TSHZ2: variants seen among roughly 807,000 people sequenced by gnomAD.
TSHZ2 encodes teashirt zinc finger homeobox 2, also known as teashirt homolog 2.
In TSHZ2, 21 loss-of-function variants were observed where a neutral mutation model predicts 74.4. The observed-to-expected ratio is 0.28, with a 90% CI of 0.20 to 0.41. The LOEUF (loss-of-function observed/expected upper bound fraction) is 0.41, where lower values mean the gene tolerates loss of function less well. Among genes scored for constraint, TSHZ2 ranks in the 10% least tolerant of loss-of-function variants. The pLI is 1.00. For missense variants in TSHZ2, 1,244 were observed against 1,293.5 expected, an observed-to-expected ratio of 0.96 and a Z score of 0.59; for synonymous variants, 540 against 515.3, an observed-to-expected ratio of 1.05 and a Z score of -0.65.
rs750453219 is a variant in TSHZ2, at chr20:53,175,131, C to CTTTTT, written c.41-78344_41-78340dup. On this transcript the variant is annotated intron_variant, in intron 1 of 2. Coordinates refer to ENST00000371497, the MANE Select transcript of TSHZ2 (RefSeq NM_173485.6). ...CTCCTTCTCCTCCTTCTTCTTCTTTCTTTTTTTTTTTTTTTTTTTTTTTTT... is the reference window on the plus strand; with the variant it reads ...CTCCTTCTCCTCCTTCTTCTTCTTTCTTTTTTTTTTTTTTTTTTTTTTTTTTTTTT... Among the ~76,000 whole-genome samples, 126 of 63,638 alleles carry CTTTTT rather than the reference C, an allele frequency of 2.0e-3. 10 individuals are homozygous for CTTTTT. The highest frequency in any genetic ancestry group is 0.015 in the East Asian group (18 of 1,200). The allele number at this position is 63,638 out of a possible 152,430, so 41.7% of individuals were successfully genotyped here.
chr20:53,431,456 CAAA>C (rs58938803), intron 2 of TSHZ2, among the ~76,000 whole-genome samples: 24 of 134,548 alleles, frequency 1.8e-4, no homozygotes, highest in South Asian at 2.4e-4. Context: ...AACTCTGTCT[CAAA>C]AAAAAAAAAA....
At chr20:53,442,810 C>T (rs891788557) in intron 2 of TSHZ2, among the ~76,000 whole-genome samples, 1 of 152,132 alleles carries the variant, frequency 6.6e-6, no homozygotes, top group African/African-American at 2.4e-5. Flanking sequence ...TCCCCCGTTT[C>T]GATATCTGTT....
chr20:53,073,172 C>G (rs1234867866), intron 1 of TSHZ2, among the ~76,000 whole-genome samples: 1 of 149,854 alleles, frequency 6.7e-6, no homozygotes. Flanking sequence ...ATTCCTTCAT[C>G]CATCTATCCC....
intron 1 of TSHZ2, among the ~76,000 whole-genome samples, chr20:53,046,949 C>T (rs10485815): frequency 0.24 from 36,603 of 152,020 alleles, 7,747 homozygotes; most frequent in African/African-American, 0.57. Flanking sequence ...CCCTGTGTAT[C>T]GCTCTAAGGA....
intron 1 of TSHZ2, among the ~76,000 whole-genome samples, chr20:53,008,462 G>A (rs1247012631): frequency 6.6e-6 from 1 of 152,162 alleles, no homozygotes; most frequent in Non-Finnish European, 1.5e-5. Flanking sequence ...TTAAGAGCCT[G>A]GGTTAGGGTT....
At chr20:52,996,485 G>A in intron 1 of TSHZ2, among the ~76,000 whole-genome samples, 1 of 152,106 alleles carries the variant, frequency 6.6e-6, no homozygotes, top group Non-Finnish European at 1.5e-5. Flanking sequence ...CAGTCAGCCT[G>A]GGTAGTATCA....
intron 1 of TSHZ2, among the ~76,000 whole-genome samples, chr20:53,055,989 C>G (rs1269571031): frequency 6.6e-6 from 1 of 152,176 alleles, no homozygotes; most frequent in Non-Finnish European, 1.5e-5. Context: ...CAACCTAAGA[C>G]TTTTCCATTG....
chr20:53,299,096 C>T (rs977746585), intron 2 of TSHZ2, among the ~76,000 whole-genome samples: 1 of 152,174 alleles, frequency 6.6e-6, no homozygotes, highest in African/African-American at 2.4e-5. Context: ...TGTCTTCTTC[C>T]TGGGCAAACC....
Position 53,278,315 on chromosome 20 carries a change from C to T in TSHZ2, c.*8+21744C>T, listed in dbSNP as rs114809044. On this transcript the variant is annotated intron_variant, in intron 2 of 2. Transcript: ENST00000371497. ...AAATGGTAGGTAGCCTTACTCTTCT[C>T]ATGATGTCTCAGCTTAGGATCTATG... is the stretch of plus-strand genomic sequence containing the variant. Among the ~76,000 whole-genome samples, 1,044 of 152,340 alleles carry T rather than the reference C, an allele frequency of 6.9e-3. 15 individuals are homozygous for T. Among genetic ancestry groups the T allele is most frequent in the African/African-American group, 0.024 (1,010 of 41,576 alleles).
intron 2 of TSHZ2, among the ~76,000 whole-genome samples, chr20:53,288,485 G>GT (rs1426415829): frequency 1.3e-5 from 2 of 151,908 alleles, no homozygotes; most frequent in Non-Finnish European, 2.9e-5. Flanking sequence ...GTTAATAGAA[G>GT]TCTAGTTTTC....
At chr20:53,003,787 C>A (rs1319572429) in intron 1 of TSHZ2, among the ~76,000 whole-genome samples, 1 of 152,186 alleles carries the variant, frequency 6.6e-6, no homozygotes, top group East Asian at 1.9e-4. Flanking sequence ...ACAAATTGTA[C>A]ATTAATATTT....
At chr20:53,363,752 G>A (rs935373134) in intron 2 of TSHZ2, among the ~76,000 whole-genome samples, 18 of 152,316 alleles carry the variant, frequency 1.2e-4, no homozygotes, top group South Asian at 6.2e-4. Context: ...AGTCAAGGTC[G>A]CAGTAAGCCA....
At chr20:53,447,352 T>C (rs1404409849) in intron 2 of TSHZ2, among the ~76,000 whole-genome samples, 4 of 152,230 alleles carry the variant, frequency 2.6e-5, no homozygotes, top group East Asian at 1.9e-4. Context: ...ATGTGTCTGA[T>C]TGCTCTCCCT....
intron 1 of TSHZ2, among the ~76,000 whole-genome samples, chr20:53,064,648 A>G (rs765858065): frequency 1.3e-5 from 2 of 150,140 alleles, no homozygotes; most frequent in Non-Finnish European, 2.9e-5. Context: ...CTAAAAAATA[A>G]ATAACTTTTT....
rs1986318107 is a variant in TSHZ2 at position 53,487,383 on chromosome 20, T to G, written c.*248T>G. ...TCTGCTTATGGGCGGTATTAGATTT[T>G]CATTGATAAATTGCAATGGGGCTGT... On this transcript the variant is annotated 3_prime_UTR_variant, in exon 3 of 3. Coordinates refer to ENST00000371497, the MANE Select transcript of TSHZ2 (RefSeq NM_173485.6). The G allele has an allele frequency of 6.6e-6, 1 of 152,178 alleles. No homozygotes were observed. Among genetic ancestry groups the G allele is most frequent in the Non-Finnish European group, 1.5e-5 (1 of 68,048 alleles). The allele number at this position is 152,178 out of a possible 1,614,324, so 9.4% of individuals were successfully genotyped here. A position where few individuals can be genotyped will look rare whatever the true frequency, so the allele number is the denominator to read the frequency against.
At chr20:53,297,559 G>A (rs1031164823) in intron 2 of TSHZ2, among the ~76,000 whole-genome samples, 6 of 152,226 alleles carry the variant, frequency 3.9e-5, no homozygotes, top group Admixed American at 2.0e-4. Flanking sequence ...CCTGGCCATA[G>A]AGACTTGATA....
Position 53,246,410 on chromosome 20 carries a change from T to G in TSHZ2, c.41-7089T>G, listed in dbSNP as rs542012863. Among the ~76,000 whole-genome samples the G allele has an allele frequency of 3.9e-5, 6 of 152,316 alleles. No individual in the cohort carries two copies. The South Asian group carries it at 1.2e-3, about 32-fold the overall frequency. On this transcript the variant is annotated intron_variant, in intron 1 of 2. Coordinates refer to ENST00000371497, the MANE Select transcript of TSHZ2 (RefSeq NM_173485.6). The stretch of plus-strand genomic sequence containing the variant: ...GCCCTCGGTGTCCTCCAGACAAGTG[T>G]CCAGTCTAGCTGAGTATACATGATT...
intron 2 of TSHZ2, among the ~76,000 whole-genome samples, chr20:53,467,199 A>G (rs1985588474): frequency 6.6e-6 from 1 of 152,056 alleles, no homozygotes; most frequent in Admixed American, 6.6e-5. Flanking sequence ...TTGAAATGCT[A>G]TTTTCTCCTT....
intron 1 of TSHZ2, among the ~76,000 whole-genome samples, chr20:52,991,791 T>C (rs573206590): frequency 6.6e-6 from 1 of 151,804 alleles, no homozygotes; most frequent in African/African-American, 2.4e-5. Context: ...TTGTGGGTAT[T>C]AGTGTGTGTT....
Sources: allele counts gnomAD v4.1 joint callset (sites outside exome capture counted in the v4.1 genomes callset), GRCh38; gene constraint gnomAD v4.1.1; transcripts MANE v1.5; gene names NCBI Gene and HGNC (gene_info 2026-07-23, HGNC 2026-07-21).